The following ITGA6 variants were observed in gnomAD, a reference collection of about 807,000 sequenced individuals.
The protein encoded by ITGA6 is integrin alpha-6.
A neutral mutation model predicts 133.6 loss-of-function variants in ITGA6; 63 were observed. The ratio of observed to expected loss-of-function variants is 0.47; its 90% CI spans 0.38 to 0.58. ITGA6 has a LOEUF of 0.58. Among genes scored for constraint, ITGA6 ranks in the 20% least tolerant of loss-of-function variants. The pLI, the probability that ITGA6 is intolerant of heterozygous loss-of-function variation, is 0.00. For synonymous variants in ITGA6, 434 were observed against 482.0 expected (o/e 0.90, Z 1.30); for missense variants, 1,068 against 1,309.4 (o/e 0.82, Z 2.85).
At chr2:172,450,510 A>G (rs1292277068) in intron 1 of ITGA6, among the ~76,000 whole-genome samples, 1 of 152,196 alleles carries the variant, frequency 6.6e-6, no homozygotes, top group Non-Finnish European at 1.5e-5. Context: ...CTGGAAAGGA[A>G]CTACTGAGAA....
intron 23 of ITGA6, among the ~76,000 whole-genome samples, chr2:172,497,410 A>G (rs184391769): frequency 4.6e-4 from 70 of 151,366 alleles, no homozygotes; most frequent in Admixed American, 2.0e-3. Context: ...CTGAGGTGGG[A>G]GGATCACTTG....
chr2:172,500,629 C>CA (rs1559159188), intron 24 of ITGA6, among the ~76,000 whole-genome samples: 1 of 152,150 alleles, frequency 6.6e-6, no homozygotes, highest in East Asian at 1.9e-4. Flanking sequence ...GACTCTGTCT[C>CA]AAAAAAAGGA....
chr2:172,493,595 G>GA (rs1273527425), intron 23 of ITGA6, among the ~76,000 whole-genome samples: 1 of 152,148 alleles, frequency 6.6e-6, no homozygotes, highest in East Asian at 1.9e-4. Context: ...CAGACTCAGA[G>GA]AGGGGATATA....
intron 1 of ITGA6, among the ~76,000 whole-genome samples, chr2:172,448,153 T>C (rs1684842144): frequency 6.6e-6 from 1 of 152,220 alleles, no homozygotes; most frequent in Non-Finnish European, 1.5e-5. Context: ...ATAAAATTGC[T>C]GGTCTTGTGC....
In ITGA6 at chr2:172,475,789, C is replaced by T. The variant is rs1686148458; in HGVS notation, c.1269+104C>T. 5 of 755,274 alleles carry T rather than the reference C, an allele frequency of 6.6e-6. No homozygotes were observed. The African/African-American group carries it at 8.7e-5, about 13-fold the overall frequency. The allele number at this position is 755,274 out of a possible 1,614,324, so 46.8% of individuals were successfully genotyped here. A position where few individuals can be genotyped will look rare whatever the true frequency, so the allele number is the denominator to read the frequency against. On this transcript the variant is annotated intron_variant, in intron 8 of 25. Transcript: ENST00000684293. ...TTTCACACAAATCTTATTTTATTTACAAGTCCACAATAGTATAAATTTTTT... is the reference window on the plus strand; with the variant it reads ...TTTCACACAAATCTTATTTTATTTATAAGTCCACAATAGTATAAATTTTTT...
Position 172,449,922 on chromosome 2 carries a change from C to CAAAAA in ITGA6, c.183-15600_183-15596dup, listed in dbSNP as rs753594850. 1.2e-3 allele frequency among the ~76,000 whole-genome samples: 93 copies of CAAAAA among 77,608 alleles called. 1 individual carries two copies. The highest frequency in any genetic ancestry group is 4.1e-3 in the African/African-American group (88 of 21,670). The allele number at this position is 77,608 out of a possible 152,430, so 50.9% of individuals were successfully genotyped here. ...GGCAATGAGAGTGAAACTTCCTCTCCAAAAAAAAAAAAAAAAAAAAAGAGA... is the reference window on the plus strand; with the variant it reads ...GGCAATGAGAGTGAAACTTCCTCTCCAAAAAAAAAAAAAAAAAAAAAAAAAAGAGA... On this transcript the variant is annotated intron_variant, in intron 1 of 25. Coordinates refer to ENST00000684293, the MANE Select transcript of ITGA6 (RefSeq NM_000210.4).
In ITGA6 at chr2:172,475,100, T is replaced by C. The variant is rs150310434; in HGVS notation, c.1158T>C (p.Asp386=). ...MFGIAVKNIG[D]INQDGYPDIA... ...GCATTGCAGTAAAAAATATTGGAGATATTAATCAAGATGGCTACCCAGGTA... is the reference window on the plus strand; with the variant it reads ...GCATTGCAGTAAAAAATATTGGAGACATTAATCAAGATGGCTACCCAGGTA... Residue 386 remains aspartate (D), a synonymous_variant, in exon 7 of 26, where the codon GAT becomes GAC. Transcript: ENST00000684293. 5 of 1,589,530 alleles carry C rather than the reference T, an allele frequency of 3.1e-6. No individual in the cohort carries two copies. The highest frequency in any genetic ancestry group is 4.3e-6 in the Non-Finnish European group (5 of 1,157,526).
chr2:172,489,675 A>G lies in ITGA6; in HGVS notation c.2679+17A>G. 1 of 1,605,828 alleles carries G rather than the reference A, an allele frequency of 6.2e-7. No individual in the cohort carries two copies. Among genetic ancestry groups the G allele is most frequent in the Non-Finnish European group, 8.5e-7 (1 of 1,172,698 alleles). On this transcript the variant is annotated intron_variant, in intron 20 of 25. Coordinates refer to ENST00000684293, the MANE Select transcript of ITGA6 (RefSeq NM_000210.4). ...AACCTAACGGTATGTCGGTAGATTT[A>G]TCTAATGTCTCCATAAATGCAAATT...
intron 1 of ITGA6, among the ~76,000 whole-genome samples, chr2:172,455,080 G>T (rs542374197): frequency 6.6e-6 from 1 of 152,220 alleles, no homozygotes; most frequent in South Asian, 2.1e-4. Flanking sequence ...TGAGACCTGG[G>T]TTGGCCTGTG....
chr2:172,504,131 C>A lies in ITGA6; in HGVS notation c.*63C>A, dbSNP rs1167183085. 15 of 1,600,536 alleles carry A rather than the reference C, an allele frequency of 9.4e-6. No homozygotes were observed. The East Asian group carries it at 2.5e-4, about 26-fold the overall frequency. Reference sequence around the variant, plus strand: ...CGCTCTAGGTACGATGACAGTGTTCCCCGATACCATGCTGTAAGGATCCGG... The same window carrying A: ...CGCTCTAGGTACGATGACAGTGTTCACCGATACCATGCTGTAAGGATCCGG... On this transcript the variant is annotated 3_prime_UTR_variant, in exon 26 of 26. Coordinates refer to ENST00000684293, the MANE Select transcript of ITGA6 (RefSeq NM_000210.4).
intron 9 of ITGA6, among the ~76,000 whole-genome samples, chr2:172,479,107 C>T (rs933089066): frequency 1.3e-5 from 2 of 152,078 alleles, no homozygotes; most frequent in Non-Finnish European, 1.5e-5. Flanking sequence ...GAATGTCTAC[C>T]GATTAGGTAC....
At chr2:172,441,559 TAAAAAAAAAAAAAA>T (rs57828626) in intron 1 of ITGA6, among the ~76,000 whole-genome samples, 516 of 48,868 alleles carry the variant, frequency 0.011, 12 homozygotes, top group African/African-American at 0.031. Flanking sequence ...GCTGTCTCTT[TAAAAAAAAAAAAAA>T]AAAAAAAAAA....
intron 4 of ITGA6, among the ~76,000 whole-genome samples, chr2:172,469,881 A>T (rs1685845013): frequency 6.6e-6 from 1 of 152,188 alleles, no homozygotes; most frequent in African/African-American, 2.4e-5. Context: ...TTACAGACGA[A>T]TTGGGGAATT....
Position 172,433,689 on chromosome 2 carries a change from G to C in ITGA6, c.182+5719G>C, listed in dbSNP as rs1013538563. On this transcript the variant is annotated intron_variant, in intron 1 of 25. Transcript: ENST00000684293. ...GCTTCCCGGCCTGTGCTGTGTATGT[G>C]CTTTCTCCTTTTAGGTTTGGTTTTC... 2.2e-4 allele frequency among the ~76,000 whole-genome samples: 34 copies of C among 152,294 alleles called. 1 individual carries two copies. The highest frequency in any genetic ancestry group is 7.7e-4 in the African/African-American group (32 of 41,560).
intron 3 of ITGA6, among the ~76,000 whole-genome samples, chr2:172,468,618 A>G (rs575060886): frequency 6.6e-6 from 1 of 152,310 alleles, no homozygotes; most frequent in East Asian, 1.9e-4. Context: ...CTCAGGGTGT[A>G]AGTTAGGACT....
chr2:172,500,421 G>A (rs1687301345), intron 24 of ITGA6, among the ~76,000 whole-genome samples: 1 of 152,160 alleles, frequency 6.6e-6, no homozygotes, highest in African/African-American at 2.4e-5. Context: ...ACGACGTCAG[G>A]AGATGGAGAC....
At position 172,506,215 on chromosome 2, in the gene ITGA6, A is replaced by T. The variant is rs1333959927; in HGVS notation, c.*2147A>T. ...AGTGTTCATTGTTTCGTAACACAGCATTGTATATGTGAAGCAAACTCTAAA... is the reference window on the plus strand; with the variant it reads ...AGTGTTCATTGTTTCGTAACACAGCTTTGTATATGTGAAGCAAACTCTAAA... On this transcript the variant is annotated 3_prime_UTR_variant, in exon 26 of 26. Transcript: ENST00000684293. 6.6e-6 allele frequency: 1 copy of T among 152,660 alleles called. No individual in the cohort carries two copies. The highest frequency in any genetic ancestry group is 1.9e-4 in the East Asian group (1 of 5,202). 9.5% of individuals were successfully genotyped at this position (152,660 alleles called of 1,614,324 possible).
At position 172,452,129 on chromosome 2, in the gene ITGA6, G is replaced by A. The variant is rs190374586; in HGVS notation, c.183-13410G>A. ...TTTAGAAAGAGGTGGAATGTAGTCC[G>A]TTTTCTTTCTCCGGCTTCCCTCAAC... On this transcript the variant is annotated intron_variant, in intron 1 of 25. Transcript: ENST00000684293. Among the ~76,000 whole-genome samples the A allele has an allele frequency of 4.4e-3, 676 of 152,246 alleles. 15 individuals carry two copies. Among genetic ancestry groups the A allele is most frequent in the Admixed American group, 0.04 (605 of 15,280 alleles).
At chr2:172,465,260 C>T (rs568203217) in intron 1 of ITGA6, 1 of 506,504 alleles carries the variant, frequency 2.0e-6, no homozygotes, top group South Asian at 2.1e-5. Flanking sequence ...CTTTTAAACA[C>T]CAGATCATAC....
Sources: gnomAD v4.1 joint callset for allele counts (sites outside exome capture counted in the v4.1 genomes callset) on GRCh38, gnomAD v4.1.1 for gene constraint, MANE v1.5 for transcripts, NCBI Gene and HGNC (gene_info 2026-07-23, HGNC 2026-07-21) for gene names.